Variants in DNMBP observed in about 807,000 individuals in gnomAD.
DNMBP encodes dynamin binding protein.
A neutral mutation model predicts 150.0 loss-of-function variants in DNMBP; 87 were observed. The ratio of observed to expected loss-of-function variants is 0.58; its 90% confidence interval spans 0.49 to 0.69. The LOEUF is 0.69. DNMBP is among the 30% of genes least tolerant of loss of function. The pLI, the probability that DNMBP is intolerant of heterozygous loss-of-function variation, is 0.00. For synonymous variants in DNMBP, 711 were observed against 750.4 expected (o/e 0.95, Z 0.86); for missense variants, 1,774 against 1,949.0 (o/e 0.91, Z 1.69).
At position 99,972,193 on chromosome 10, in the gene DNMBP, A is replaced by G. The variant is rs537153660; in HGVS notation, c.-10-59T>C. 13 of 1,429,504 alleles carry G rather than the reference A, an allele frequency of 9.1e-6. No homozygotes were observed. The East Asian group carries it at 2.3e-4, about 25-fold the overall frequency. The allele number at this position is 1,429,504 out of a possible 1,614,324, so 88.6% of individuals were successfully genotyped here. On this transcript the variant is annotated intron_variant, in intron 1 of 16. Transcript: ENST00000324109. ...CAATATTTAAGACACTGCAATATAG[A>G]TCTATTTCTTGGAATGATAAAGCTT...
intron 4 of DNMBP, among the ~76,000 whole-genome samples, chr10:99,911,469 G>C (rs1040590986): frequency 6.6e-6 from 1 of 151,976 alleles, no homozygotes; most frequent in Non-Finnish European, 1.5e-5. Context: ...GGAGAACAGA[G>C]CAAGACTCCA....
intron 4 of DNMBP, among the ~76,000 whole-genome samples, chr10:99,921,309 GCT>G (rs1231416454): frequency 1.3e-5 from 2 of 152,172 alleles, no homozygotes; most frequent in Non-Finnish European, 2.9e-5. Context: ...TCCTTGGATT[GCT>G]CTTTCCTCGA....
chr10:99,903,882 A>T lies in DNMBP; in HGVS notation c.2555-3816T>A, dbSNP rs371442044. 1.3e-4 allele frequency among the ~76,000 whole-genome samples: 20 copies of T among 151,828 alleles called. 1 individual carries two copies. In the South Asian group the frequency reaches 4.1e-3, roughly 31 times the overall value. ...AACTCTGGGTCACGAAATATACTTA[A>T]TGGGTCACAGTCAGCACTGTTTTGA... On this transcript the variant is annotated intron_variant, in intron 6 of 16. Transcript: ENST00000324109.
At chr10:99,901,001 T>A (rs961361397) in intron 6 of DNMBP, among the ~76,000 whole-genome samples, 1 of 152,150 alleles carries the variant, frequency 6.6e-6, no homozygotes, top group African/African-American at 2.4e-5. Context: ...AGTGGTACGA[T>A]CTTGGCTCAC....
intron 6 of DNMBP, among the ~76,000 whole-genome samples, chr10:99,906,337 CAG>C (rs2039825319): frequency 6.6e-6 from 1 of 152,114 alleles, no homozygotes; most frequent in Non-Finnish European, 1.5e-5. Flanking sequence ...TAAAACGACA[CAG>C]GGGTCACTCC....
chr10:99,889,106 T>C, intron 11 of DNMBP, 153 bp from the exon 12 acceptor site: 2 of 846,356 alleles, frequency 2.4e-6, no homozygotes, highest in Non-Finnish European at 3.5e-6. Flanking sequence ...AATAAGCATA[T>C]TTTCATAAAC....
chr10:99,948,682 G>C (rs2040385827), intron 4 of DNMBP, among the ~76,000 whole-genome samples: 1 of 152,078 alleles, frequency 6.6e-6, no homozygotes, highest in African/African-American at 2.4e-5. Flanking sequence ...AAAAACCAAA[G>C]CTGGGCATGA....
At chr10:99,969,354 G>T in intron 2 of DNMBP, 117 bp from the exon 3 acceptor site, 1 of 987,532 alleles carries the variant, frequency 1.0e-6, no homozygotes, top group Non-Finnish European at 1.5e-6. Context: ...GAAAACTCAG[G>T]GAATACTCAT....
intron 11 of DNMBP, 73 bp from the exon 12 acceptor site, chr10:99,889,026 G>GCT (rs2133206772): frequency 6.6e-7 from 1 of 1,525,888 alleles, no homozygotes; most frequent in Non-Finnish European, 8.8e-7. Flanking sequence ...TTCCAAGACT[G>GCT]AATAGCAGTC....
chr10:99,943,400 G>T (rs1056892856), intron 4 of DNMBP, among the ~76,000 whole-genome samples: 103 of 151,194 alleles, frequency 6.8e-4, no homozygotes, highest in African/African-American at 2.5e-3. Flanking sequence ...TTGTTTGTTT[G>T]TTTGTTTGTT....
chr10:99,986,594 C>CCAA, intron 1 of DNMBP, among the ~76,000 whole-genome samples: 1 of 74,170 alleles, frequency 1.3e-5, no homozygotes. Context: ...GACTCCGTCT[C>CCAA]AAAAAAAAAA....
intron 4 of DNMBP, among the ~76,000 whole-genome samples, chr10:99,920,210 G>A (rs1278686997): frequency 2.0e-5 from 3 of 151,830 alleles, no homozygotes; most frequent in African/African-American, 7.3e-5. Context: ...CGAGTAGCTG[G>A]GATTACAGGC....
At chr10:99,905,951 C>T (rs2039819788) in intron 6 of DNMBP, among the ~76,000 whole-genome samples, 1 of 152,136 alleles carries the variant, frequency 6.6e-6, no homozygotes, top group African/African-American at 2.4e-5. Flanking sequence ...GTCTGGATAA[C>T]AATGTGAGAC....
chr10:99,916,375 A>C (rs1176171412), intron 4 of DNMBP, among the ~76,000 whole-genome samples: 5 of 152,252 alleles, frequency 3.3e-5, no homozygotes, highest in Non-Finnish European at 7.3e-5. Context: ...AGGCAGGAGA[A>C]TCGCTGGAAC....
Position 99,898,139 on chromosome 10 carries a change from G to GC in DNMBP, c.2866dup (p.Ala956GlyfsTer8). 6.2e-7 allele frequency: 1 copy of GC among 1,613,956 alleles called. No homozygotes were observed. The highest frequency in any genetic ancestry group is 2.2e-5 in the East Asian group (1 of 44,874). ...AATGTTAACGTTGATTTCCTTGACC[G>GC]CAAGGACTGCATTGGTTAAAGGCAC... On this transcript the variant is annotated frameshift_variant, in exon 9 of 17. Coordinates refer to ENST00000324109, the MANE Select transcript of DNMBP (RefSeq NM_015221.4). LOFTEE classifies it high-confidence loss of function.
Position 99,971,104 on chromosome 10 carries a change from G to A in DNMBP, c.145+876C>T, listed in dbSNP as rs114581387. Among the ~76,000 whole-genome samples, 736 of 152,050 alleles carry A rather than the reference G, an allele frequency of 4.8e-3. 8 individuals are homozygous for A. Among genetic ancestry groups the A allele is most frequent in the African/African-American group, 0.017 (707 of 41,476 alleles). ...GGATAAAGACCTGGGAAGGGAAAGC[G>A]GGTGAAAGACAAAGACTTGGATAGA... On this transcript the variant is annotated intron_variant, in intron 2 of 16. Coordinates refer to ENST00000324109, the MANE Select transcript of DNMBP (RefSeq NM_015221.4).
intron 4 of DNMBP, among the ~76,000 whole-genome samples, chr10:99,949,010 A>AAATAAATAAATAAATG (rs547171846): frequency 6.7e-6 from 1 of 148,708 alleles, no homozygotes; most frequent in African/African-American, 2.5e-5. Context: ...ATAAATAAAT[A>AAATAAATAAATAAATG]AATGCAGAGT....
intron 4 of DNMBP, among the ~76,000 whole-genome samples, chr10:99,909,459 A>G (rs61574041): frequency 4.6e-5 from 7 of 152,236 alleles, no homozygotes; most frequent in African/African-American, 2.4e-5. Flanking sequence ...GTCTGACCTT[A>G]TAAGACTTGC....
chr10:99,981,316 G>C (rs1222164941), intron 1 of DNMBP, among the ~76,000 whole-genome samples: 9 of 151,818 alleles, frequency 5.9e-5, no homozygotes, highest in Admixed American at 5.3e-4. Flanking sequence ...TGAGTAGCTG[G>C]GATTACAGGT....
Sources: allele counts gnomAD v4.1 joint callset (sites outside exome capture counted in the v4.1 genomes callset), GRCh38; gene constraint gnomAD v4.1.1; transcripts MANE v1.5; gene names NCBI Gene and HGNC (gene_info 2026-07-23, HGNC 2026-07-21).